The following ZNF331 variants were observed in gnomAD, a reference collection of about 807,000 sequenced individuals.
ZNF331 encodes zinc finger protein 331, also known as C2H2-like zinc finger protein rearranged in thyroid adenomas.
ZNF331 carries 2 observed loss-of-function variants against 7.0 expected under a neutral mutation model. The ratio of observed to expected loss-of-function variants is 0.29; its 90% CI spans 0.12 to 0.90. ZNF331 has a LOEUF of 0.90. ZNF331 is among the 40% of genes least tolerant of loss of function. The pLI, the probability that ZNF331 is intolerant of heterozygous loss-of-function variation, is 0.58. For missense variants in ZNF331, 432 were observed against 587.7 expected (o/e 0.74, Z 2.74); for synonymous variants, 196 against 205.4 (o/e 0.95, Z 0.39).
At chr19:53,529,269 A>G (rs139516145) in intron 2 of ZNF331, among the ~76,000 whole-genome samples, 12,489 of 151,974 alleles carry the variant, frequency 0.082, 580 homozygotes, top group Non-Finnish European at 0.11. Context: ...GCGTGGTGGT[A>G]GGCGCATGTA....
chr19:53,549,822 C>G (rs2088869165), intron 2 of ZNF331, among the ~76,000 whole-genome samples: 1 of 150,360 alleles, frequency 6.7e-6, no homozygotes, highest in Admixed American at 6.6e-5. Flanking sequence ...TGTTCATTTT[C>G]TGGTTCCTTG....
chr19:53,544,580 C>T (rs2147358466), intron 2 of ZNF331, among the ~76,000 whole-genome samples: 1 of 151,618 alleles, frequency 6.6e-6, no homozygotes, highest in East Asian at 1.9e-4. Flanking sequence ...TGTTAGTATT[C>T]CATGCCATCA....
rs2090461302 is a variant in ZNF331 at position 53,571,880 on chromosome 19, C to CCA, written c.136+153_136+154dup. On this transcript the variant is annotated intron_variant, in intron 5 of 5. Transcript: ENST00000449416. This position sits in a 1 kb window ranked among gnomAD's most constrained non-coding sequence, Gnocchi z 4.7. Reference sequence around the variant, plus strand: ...AGCCTTATTGATGTGGCCGTGAGCACCACAACCTTCCCCTCCCATCCATCG... The same window carrying CCA: ...AGCCTTATTGATGTGGCCGTGAGCACCACACAACCTTCCCCTCCCATCCATCG... The CCA allele has an allele frequency of 2.0e-6, 2 of 982,942 alleles. No homozygotes were observed. Among genetic ancestry groups the CCA allele is most frequent in the African/African-American group, 3.4e-5 (2 of 58,970 alleles). 60.9% of individuals were successfully genotyped at this position (982,942 alleles called of 1,614,324 possible).
chr19:53,544,628 G>A (rs1056655400), intron 2 of ZNF331, among the ~76,000 whole-genome samples: 1 of 152,038 alleles, frequency 6.6e-6, no homozygotes, highest in Admixed American at 6.6e-5. Context: ...TCTACTGTGA[G>A]ATACTGCTAT....
In ZNF331 at chr19:53,576,928, A is replaced by C; in HGVS notation, c.368A>C (p.Gln123Pro). 6.2e-7 allele frequency: 1 copy of C among 1,614,226 alleles called. No homozygotes were observed. Among genetic ancestry groups the C allele is most frequent in the Non-Finnish European group, 8.5e-7 (1 of 1,180,048 alleles). ...GAAGGCACCCCTCCTAGAACACATC[A>C]GAGACATCATAAGGAGAATTCCTTT... ...TREGTPPRTH[Q>P]RHHKENSFEC... is the part of the protein sequence containing the mutation. The change falls in exon 6 of 6, where the codon CAG (glutamine) becomes CCG (proline). Residue 123 changes from glutamine (Q) to proline (P), a missense_variant. Coordinates refer to ENST00000449416, the MANE Select transcript of ZNF331 (RefSeq NM_001079906.2).
At chr19:53,530,432 C>T (rs7507818) in intron 2 of ZNF331, among the ~76,000 whole-genome samples, 36,943 of 146,466 alleles carry the variant, frequency 0.25, 6,056 homozygotes, top group African/African-American at 0.43. Context: ...TCAAGCCATA[C>T]CGCCCACGGA....
At chr19:53,545,134 T>A (rs2088507491) in intron 2 of ZNF331, among the ~76,000 whole-genome samples, 1 of 152,188 alleles carries the variant, frequency 6.6e-6, no homozygotes, top group Non-Finnish European at 1.5e-5. Context: ...TTATCTCAGT[T>A]TTTTAGAAAA....
rs575958238 is a variant in ZNF331, at chr19:53,544,837, A to T, written c.-138+5555A>T. On this transcript the variant is annotated intron_variant, in intron 2 of 5. Transcript: ENST00000449416. ...CAACCTCCACCTTCTGGGTTCAAGC[A>T]ATTCTCCTGCCTCAGCCTCCTGAGT... is the stretch of plus-strand genomic sequence containing the variant. Among the ~76,000 whole-genome samples, 66 of 150,874 alleles carry T rather than the reference A, an allele frequency of 4.4e-4. 2 individuals carry two copies. The highest frequency in any genetic ancestry group is 2.5e-4 in the Non-Finnish European group (17 of 67,954).
intron 5 of ZNF331, among the ~76,000 whole-genome samples, chr19:53,575,499 C>CTTTTT (rs34296898): frequency 1.0e-3 from 77 of 75,878 alleles, no homozygotes; most frequent in East Asian, 2.0e-3. Flanking sequence ...TACCCAGTTG[C>CTTTTT]TTTTTTTTTT....
chr19:53,510,455 G>A, the ZNF331 span, among the ~76,000 whole-genome samples: 2 of 138,708 alleles, frequency 1.4e-5, no homozygotes, highest in Non-Finnish European at 3.1e-5. Flanking sequence ...TTTTTGCCAT[G>A]TAGCTTTATT....
intron 5 of ZNF331, among the ~76,000 whole-genome samples, chr19:53,572,542 C>T (rs61076690): frequency 0.37 from 52,142 of 142,592 alleles, 10,080 homozygotes; most frequent in African/African-American, 0.5. Context: ...TATACACACA[C>T]ATATATATTA....
intron 2 of ZNF331, 124 bp from the exon 3 acceptor site, chr19:53,555,721 A>G (rs373220737): frequency 9.9e-5 from 15 of 152,274 alleles, no homozygotes; most frequent in African/African-American, 3.4e-4. Flanking sequence ...TCCACGCTTC[A>G]TCATCTCAGT....
At chr19:53,557,310 G>A (rs1221078380) in intron 3 of ZNF331, among the ~76,000 whole-genome samples, 1 of 152,166 alleles carries the variant, frequency 6.6e-6, no homozygotes, top group African/African-American at 2.4e-5. Flanking sequence ...TGAGACCAGG[G>A]TGCCAGTGCA....
At chr19:53,517,672 C>G (rs959552802), upstream of ZNF331, among the ~76,000 whole-genome samples, 1 of 152,106 alleles carries the variant, frequency 6.6e-6, no homozygotes, top group Admixed American at 6.6e-5. Flanking sequence ...TTGGCTCACA[C>G]GATCACAAGG....
chr19:53,509,008 T>C, the ZNF331 span, among the ~76,000 whole-genome samples: 30 of 152,240 alleles, frequency 2.0e-4, no homozygotes, highest in South Asian at 4.1e-4. Context: ...ATCACCTTTT[T>C]TCCCTCATAA....
At chr19:53,521,725 C>T (rs8100093) in exon 1 of ZNF331, 96,635 of 152,642 alleles carry the variant, frequency 0.63, 31,179 homozygotes, top group African/African-American at 0.77. Flanking sequence ...AGGCAGTGTC[C>T]CTCTGGTGTG....
upstream of ZNF331, among the ~76,000 whole-genome samples, chr19:53,519,273 A>C (rs923884116): frequency 6.6e-6 from 1 of 152,126 alleles, no homozygotes; most frequent in African/African-American, 2.4e-5. Flanking sequence ...ACAACAGCAT[A>C]TATTTTTTAG....
intron 2 of ZNF331, among the ~76,000 whole-genome samples, chr19:53,549,239 A>C (rs1331990473): frequency 6.6e-6 from 1 of 152,186 alleles, no homozygotes. Flanking sequence ...GTCAAAGATC[A>C]GTTGACCATG....
chr19:53,516,252 A>G (rs986120944), upstream of ZNF331, among the ~76,000 whole-genome samples: 2 of 152,066 alleles, frequency 1.3e-5, no homozygotes, highest in African/African-American at 4.8e-5. Flanking sequence ...GGAGTTCGAG[A>G]CCAGCCTGGC....
Sources: gnomAD v4.1 joint callset for allele counts (sites outside exome capture counted in the v4.1 genomes callset) on GRCh38, gnomAD v4.1.1 for gene constraint, Gnocchi (gnomAD v3.1) non-coding constraint, MANE v1.5 for transcripts, NCBI Gene and HGNC (gene_info 2026-07-23, HGNC 2026-07-21) for gene names.